The following ASTN2 variants were observed in gnomAD, a reference collection of about 807,000 sequenced individuals.
The protein encoded by ASTN2 is astrotactin 2, also known as astrotactin-2.
In ASTN2, 54 loss-of-function variants were observed where a neutral mutation model predicts 139.8. The ratio of observed to expected loss-of-function variants is 0.39; its 90% CI spans 0.31 to 0.48. The LOEUF (loss-of-function observed/expected upper bound fraction) is 0.48, where lower values mean the gene tolerates loss of function less well. ASTN2 is among the 20% of genes least tolerant of loss of function. The pLI is 0.95. For synonymous variants in ASTN2, 756 were observed against 719.5 expected, an observed-to-expected ratio of 1.05 and a Z score of -0.81; for missense variants, 1,565 against 1,725.1, an observed-to-expected ratio of 0.91 and a Z score of 1.64.
intron 7 of ASTN2, among the ~76,000 whole-genome samples, chr9:117,002,976 C>T (rs914564401): frequency 7.9e-5 from 12 of 151,996 alleles, no homozygotes; most frequent in Admixed American, 2.0e-4. Context: ...TTGGGCTGAA[C>T]GTGTAGGAAA....
intron 19 of ASTN2, among the ~76,000 whole-genome samples, chr9:116,501,029 C>T (rs569735232): frequency 3.9e-5 from 6 of 152,284 alleles, no homozygotes; most frequent in Admixed American, 2.0e-4. Context: ...AAACTTCCCT[C>T]CCTTTTCTAA....
intron 3 of ASTN2, among the ~76,000 whole-genome samples, chr9:117,171,206 T>C (rs1047895651): frequency 6.6e-6 from 1 of 152,012 alleles, no homozygotes; most frequent in African/African-American, 2.4e-5. Flanking sequence ...AAGCACAGAA[T>C]AGAAATATTC....
At chr9:117,398,729 T>C (rs955888230) in intron 1 of ASTN2, among the ~76,000 whole-genome samples, 1 of 152,194 alleles carries the variant, frequency 6.6e-6, no homozygotes, top group African/African-American at 2.4e-5. Context: ...CTTTCAGGTT[T>C]TCCTTTACAA....
At chr9:117,259,516 A>G (rs957985251) in intron 2 of ASTN2, among the ~76,000 whole-genome samples, 2 of 152,166 alleles carry the variant, frequency 1.3e-5, no homozygotes, top group Non-Finnish European at 2.9e-5. Context: ...AAACGTATAC[A>G]ATCTGTTTTC....
At chr9:116,759,149 A>G (rs1030513829) in intron 13 of ASTN2, among the ~76,000 whole-genome samples, 1 of 152,170 alleles carries the variant, frequency 6.6e-6, no homozygotes, top group Admixed American at 6.5e-5. Flanking sequence ...CAGAGGGCTA[A>G]GATTCTAGGC....
At position 117,291,600 on chromosome 9, in the gene ASTN2, T is replaced by G. The variant is rs1003062426; in HGVS notation, c.443-87A>C. Reference sequence around the variant, plus strand: ...GAAAAGAGCCCACATAATCAGGAGCTCAGAAGGCATCCATTTTTTGCCAGG... The same window carrying G: ...GAAAAGAGCCCACATAATCAGGAGCGCAGAAGGCATCCATTTTTTGCCAGG... On this transcript the variant is annotated intron_variant, in intron 1 of 22. Transcript: ENST00000313400. 7 of 1,243,246 alleles carry G rather than the reference T, an allele frequency of 5.6e-6. No individual in the cohort carries two copies. In the South Asian group the frequency reaches 6.0e-5, roughly 11 times the overall value. 77.0% of individuals were successfully genotyped at this position (1,243,246 alleles called of 1,614,324 possible).
At chr9:117,230,161 T>C (rs916425257) in intron 2 of ASTN2, among the ~76,000 whole-genome samples, 1 of 146,804 alleles carries the variant, frequency 6.8e-6, no homozygotes, top group Non-Finnish European at 1.5e-5. Context: ...CTGTGGAATC[T>C]GGGTGTGTGA....
At chr9:117,390,767 G>A (rs147696868) in intron 1 of ASTN2, among the ~76,000 whole-genome samples, 4 of 152,222 alleles carry the variant, frequency 2.6e-5, no homozygotes, top group Non-Finnish European at 5.9e-5. Context: ...AGACATGTTG[G>A]TTTCCTCCAC....
chr9:117,112,016 A>C (rs1051316756), intron 4 of ASTN2, among the ~76,000 whole-genome samples: 1 of 152,174 alleles, frequency 6.6e-6, no homozygotes, highest in Non-Finnish European at 1.5e-5. Flanking sequence ...TAAAAAAAAA[A>C]TTCAAAAATA....
At chr9:116,788,603 C>T (rs1830443109) in intron 13 of ASTN2, among the ~76,000 whole-genome samples, 2 of 152,096 alleles carry the variant, frequency 1.3e-5, no homozygotes, top group Admixed American at 1.3e-4. Context: ...CCAGTTACCT[C>T]ATTTATAAAA....
At chr9:116,620,927 C>T in intron 17 of ASTN2, among the ~76,000 whole-genome samples, 1 of 152,176 alleles carries the variant, frequency 6.6e-6, no homozygotes, top group Admixed American at 6.5e-5. Flanking sequence ...AGAAGTCTGA[C>T]CATCTCATTG....
rs139129820 is a variant in ASTN2 at position 116,876,345 on chromosome 9, A to G, written c.1890-12612T>C. Among the ~76,000 whole-genome samples, 492 of 152,324 alleles carry G rather than the reference A, an allele frequency of 3.2e-3. 5 individuals carry two copies. The highest frequency in any genetic ancestry group is 0.011 in the African/African-American group (462 of 41,574). On this transcript the variant is annotated intron_variant, in intron 10 of 22. Coordinates refer to ENST00000313400, the MANE Select transcript of ASTN2 (RefSeq NM_001365068.1). Reference sequence around the variant, plus strand: ...AATGAGAAGTTGCTTCTTGTGGAGGAGCAAAGAAAAGTGGTTTCTTGAGTT... The same window carrying G: ...AATGAGAAGTTGCTTCTTGTGGAGGGGCAAAGAAAAGTGGTTTCTTGAGTT...
chr9:116,977,665 C>T (rs1007643005), intron 7 of ASTN2, among the ~76,000 whole-genome samples: 2 of 151,736 alleles, frequency 1.3e-5, no homozygotes, highest in African/African-American at 4.8e-5. Flanking sequence ...CTACTCCCAG[C>T]TGTTGTCATA....
chr9:116,995,272 C>T (rs1836983489), intron 7 of ASTN2, among the ~76,000 whole-genome samples: 3 of 152,118 alleles, frequency 2.0e-5, no homozygotes, highest in Admixed American at 2.0e-4. Context: ...TACAGAACTT[C>T]AGAGCTGGAG....
intron 19 of ASTN2, among the ~76,000 whole-genome samples, chr9:116,492,755 G>T (rs1172549981): frequency 1.3e-5 from 2 of 152,306 alleles, no homozygotes; most frequent in East Asian, 3.9e-4. Flanking sequence ...GTTCCACCTT[G>T]CCATCTTCTT....
At chr9:117,020,046 A>ATG (rs1297935253) in intron 6 of ASTN2, among the ~76,000 whole-genome samples, 10 of 86,512 alleles carry the variant, frequency 1.2e-4, no homozygotes, top group Non-Finnish European at 2.0e-4. Flanking sequence ...GTGTGTGTGT[A>ATG]TGTGTGTGTG....
chr9:116,521,632 A>G (rs1294490299), intron 19 of ASTN2, among the ~76,000 whole-genome samples: 2 of 152,172 alleles, frequency 1.3e-5, no homozygotes, highest in East Asian at 3.9e-4. Flanking sequence ...CAAACACAAC[A>G]AAAAGCAAAG....
At chr9:116,427,021 T>C (rs1226767087) in intron 22 of ASTN2, among the ~76,000 whole-genome samples, 2 of 152,156 alleles carry the variant, frequency 1.3e-5, no homozygotes, top group Non-Finnish European at 2.9e-5. Context: ...TCTAGAGCCC[T>C]ATATCCAGCA....
chr9:116,764,642 AATAG>A (rs1279402421), intron 13 of ASTN2, among the ~76,000 whole-genome samples: 1 of 152,186 alleles, frequency 6.6e-6, no homozygotes, highest in East Asian at 1.9e-4. Flanking sequence ...CATTACTATT[AATAG>A]ATAAAGTCAT....
Sources: allele counts gnomAD v4.1 joint callset (sites outside exome capture counted in the v4.1 genomes callset), GRCh38; gene constraint gnomAD v4.1.1; transcripts MANE v1.5; gene names NCBI Gene and HGNC (gene_info 2026-07-23, HGNC 2026-07-21).